CADPS2: variants seen among roughly 807,000 people sequenced by gnomAD.
CADPS2 encodes the protein calcium-dependent secretion activator 2.
CADPS2 carries 93 observed loss-of-function variants against 172.5 expected under a neutral mutation model. The observed-to-expected ratio is 0.54, with a 90% CI of 0.46 to 0.64. The LOEUF (loss-of-function observed/expected upper bound fraction) is 0.64, where lower values mean the gene tolerates loss of function less well. CADPS2 is among the 30% of genes least tolerant of loss of function. The pLI is 0.00. For synonymous variants in CADPS2, 546 were observed against 555.2 expected (o/e 0.98, Z 0.23); for missense variants, 1,420 against 1,565.9 (o/e 0.91, Z 1.57).
chr7:122,412,087 T>A (rs913777007), intron 19 of CADPS2, among the ~76,000 whole-genome samples: 2 of 152,222 alleles, frequency 1.3e-5, no homozygotes, highest in African/African-American at 4.8e-5. Context: ...GGAATTCTAC[T>A]TCTACACCTG....
chr7:122,817,792 C>T (rs1237135853), intron 1 of CADPS2, among the ~76,000 whole-genome samples: 1 of 151,934 alleles, frequency 6.6e-6, no homozygotes. Context: ...AACCTCGTAT[C>T]TCTGCGCCCC....
At chr7:122,357,140 C>A (rs1424948094) in intron 27 of CADPS2, among the ~76,000 whole-genome samples, 1 of 152,148 alleles carries the variant, frequency 6.6e-6, no homozygotes, top group East Asian at 1.9e-4. Context: ...CAACTCTAAT[C>A]CATTACAGGA....
chr7:122,426,931 G>T (rs994045828), intron 17 of CADPS2, among the ~76,000 whole-genome samples: 8 of 152,196 alleles, frequency 5.3e-5, no homozygotes, highest in African/African-American at 1.7e-4. Flanking sequence ...ACTGTCAAGT[G>T]AGCTGAGCAA....
rs569523304 is a variant in CADPS2, at chr7:122,703,998, G to A, written c.453+32957C>T. 1.5e-4 allele frequency among the ~76,000 whole-genome samples: 23 copies of A among 152,066 alleles called. No homozygotes were observed. In the South Asian group the frequency reaches 4.1e-3, roughly 27 times the overall value. ...CTTTATCTAAAGTCTGTTTCAAGGA[G>A]CCAATAAATTGGCAACACCCACTCA... On this transcript the variant is annotated intron_variant, in intron 2 of 29. Coordinates refer to ENST00000449022, the MANE Select transcript of CADPS2 (RefSeq NM_017954.11).
At chr7:122,783,594 C>T (rs1033254639) in intron 1 of CADPS2, among the ~76,000 whole-genome samples, 3 of 152,184 alleles carry the variant, frequency 2.0e-5, no homozygotes, top group Admixed American at 6.5e-5. Flanking sequence ...TGTCTGTCCA[C>T]GCTGCTTACA....
At chr7:122,589,481 G>GAAA (rs1211874275) in intron 6 of CADPS2, among the ~76,000 whole-genome samples, 1 of 151,860 alleles carries the variant, frequency 6.6e-6, no homozygotes, top group African/African-American at 2.4e-5. Context: ...AATACTTACG[G>GAAA]AAGAGCAGCT....
At chr7:122,714,898 A>T (rs954934574) in intron 2 of CADPS2, among the ~76,000 whole-genome samples, 1 of 152,086 alleles carries the variant, frequency 6.6e-6, no homozygotes, top group African/African-American at 2.4e-5. Flanking sequence ...ACACTATCAG[A>T]ATCTCGTTTT....
At chr7:122,527,514 C>A (rs1317045037) in intron 8 of CADPS2, among the ~76,000 whole-genome samples, 1 of 146,630 alleles carries the variant, frequency 6.8e-6, no homozygotes. Context: ...GAGTTCTGAA[C>A]AAATTGACTT....
rs534110685 is a variant in CADPS2, at chr7:122,420,514, GC to G, written c.2477-4351del. Among the ~76,000 whole-genome samples the G allele has an allele frequency of 2.0e-5, 3 of 152,298 alleles. No individual in the cohort carries two copies. The East Asian group carries it at 5.8e-4, about 29-fold the overall frequency. ...CTCTGGTTTCACCCATTTGGCTAAGGCCAAGAAGTTTAATGCATTCTACAGT... is the reference window on the plus strand; with the variant it reads ...CTCTGGTTTCACCCATTTGGCTAAGGCAAGAAGTTTAATGCATTCTACAGT... On this transcript the variant is annotated intron_variant, in intron 17 of 29. Coordinates refer to ENST00000449022, the MANE Select transcript of CADPS2 (RefSeq NM_017954.11).
chr7:122,745,213 T>C (rs1388139366), intron 1 of CADPS2, among the ~76,000 whole-genome samples: 1 of 151,956 alleles, frequency 6.6e-6, no homozygotes, highest in Non-Finnish European at 1.5e-5. Context: ...TTATTAATTA[T>C]AGTCACTATG....
At chr7:122,645,301 ATATG>A (rs2078215971) in intron 3 of CADPS2, among the ~76,000 whole-genome samples, 2 of 135,678 alleles carry the variant, frequency 1.5e-5, no homozygotes, top group Non-Finnish European at 3.2e-5. Flanking sequence ...ATATATACAC[ATATG>A]TACATGTGTG....
rs201915652 is a variant in CADPS2 at position 122,319,933 on chromosome 7, G to A, written c.*232C>T. 76 of 404,334 alleles carry A rather than the reference G, an allele frequency of 1.9e-4. 1 individual carries two copies. In the East Asian group the frequency reaches 2.9e-3, roughly 15 times the overall value. The allele number at this position is 404,334 out of a possible 1,614,324, so 25.0% of individuals were successfully genotyped here. On this transcript the variant is annotated 3_prime_UTR_variant, in exon 30 of 30. Coordinates refer to ENST00000449022, the MANE Select transcript of CADPS2 (RefSeq NM_017954.11). ...TTTTTAGGTCAAACTACACAAAAGAGGATGCTCTTCTCCAAAAAAACAAAC... is the reference window on the plus strand; with the variant it reads ...TTTTTAGGTCAAACTACACAAAAGAAGATGCTCTTCTCCAAAAAAACAAAC...
chr7:122,654,044 G>T (rs1208524974), intron 3 of CADPS2, among the ~76,000 whole-genome samples: 1 of 152,298 alleles, frequency 6.6e-6, no homozygotes, highest in African/African-American at 2.4e-5. Flanking sequence ...GCTTAGAAAG[G>T]CATGTCATAA....
At chr7:122,883,005 G>A (rs1251833175) in intron 1 of CADPS2, among the ~76,000 whole-genome samples, 2 of 152,044 alleles carry the variant, frequency 1.3e-5, no homozygotes, top group Non-Finnish European at 2.9e-5. Flanking sequence ...AACCATCAGT[G>A]GTCAATCAGA....
intron 2 of CADPS2, among the ~76,000 whole-genome samples, chr7:122,715,491 T>C (rs961959258): frequency 5.3e-5 from 8 of 152,068 alleles, no homozygotes; most frequent in African/African-American, 1.7e-4. Flanking sequence ...AAGTAGCAAA[T>C]ATTATTCTGC....
At chr7:122,418,979 T>C (rs943065473) in intron 17 of CADPS2, among the ~76,000 whole-genome samples, 1 of 152,220 alleles carries the variant, frequency 6.6e-6, no homozygotes, top group Non-Finnish European at 1.5e-5. Context: ...TCTACTTTAA[T>C]GCTACCTTAA....
In CADPS2 at chr7:122,542,088, C is replaced by G. The variant is rs1055615498; in HGVS notation, c.1475+12462G>C. Among the ~76,000 whole-genome samples, 3 of 151,762 alleles carry G rather than the reference C, an allele frequency of 2.0e-5. No homozygotes were observed. In the Admixed American group the frequency reaches 2.0e-4, roughly 10 times the overall value. ...AACGTGCCAGGCAATGTTTTAGTCA[C>G]TTTAGTGATACTAGTTCATTTAATC... On this transcript the variant is annotated intron_variant, in intron 8 of 29. Coordinates refer to ENST00000449022, the MANE Select transcript of CADPS2 (RefSeq NM_017954.11).
chr7:122,849,361 C>A (rs767041926), intron 1 of CADPS2, among the ~76,000 whole-genome samples: 1 of 152,116 alleles, frequency 6.6e-6, no homozygotes, highest in South Asian at 2.1e-4. Flanking sequence ...TTGCATTTTA[C>A]CAAGCCTCTT....
intron 1 of CADPS2, among the ~76,000 whole-genome samples, chr7:122,815,014 A>G (rs1409861350): frequency 1.3e-5 from 2 of 152,090 alleles, no homozygotes; most frequent in Non-Finnish European, 2.9e-5. Context: ...CCAACTTAGA[A>G]GGCAGAAAGG....
Sources: allele counts gnomAD v4.1 joint callset (sites outside exome capture counted in the v4.1 genomes callset), GRCh38; gene constraint gnomAD v4.1.1; transcripts MANE v1.5; gene names NCBI Gene and HGNC (gene_info 2026-07-23, HGNC 2026-07-21).